CSNK1G1: variants seen among roughly 807,000 people sequenced by gnomAD.
CSNK1G1 encodes casein kinase I isoform gamma-1.
In CSNK1G1, 22 loss-of-function variants were observed where a neutral mutation model predicts 59.6. That is an observed-to-expected ratio of 0.37 (90% CI 0.26 to 0.53). CSNK1G1 has a LOEUF of 0.53. Among genes scored for constraint, CSNK1G1 ranks in the 20% least tolerant of loss-of-function variants. The pLI, the probability that CSNK1G1 is intolerant of heterozygous loss-of-function variation, is 0.89. For missense variants in CSNK1G1, 384 were observed against 519.5 expected (o/e 0.74, Z 2.54); for synonymous variants, 179 against 177.1 (o/e 1.01, Z -0.08).
chr15:64,278,890 C>CT (rs1426691525), intron 2 of CSNK1G1, among the ~76,000 whole-genome samples: 8 of 152,154 alleles, frequency 5.3e-5, no homozygotes, highest in African/African-American at 1.7e-4. Context: ...CAACGTTAAC[C>CT]TATGTGTTTC....
rs373621488 is a variant in CSNK1G1, at chr15:64,301,764, G to A, written c.-224-1041C>T. ...TAGCTGGACGTGGTGGCAGGCACCT[G>A]TAATCCCAGCTACTCGGGAGGCTGA... On this transcript the variant is annotated intron_variant, in intron 1 of 11. Transcript: ENST00000303052. 4.6e-5 allele frequency among the ~76,000 whole-genome samples: 7 copies of A among 152,126 alleles called. No individual in the cohort carries two copies. In the South Asian group the frequency reaches 6.2e-4, roughly 14 times the overall value.
At position 64,165,798 on chromosome 15, in the gene CSNK1G1, C is replaced by T; in HGVS notation, c.*6133G>A. ...GGGTGCAAACTGAGTCCTTTCCTCCCCAAACTGGGGAAGAGGTATACTTAA... is the reference window on the plus strand; with the variant it reads ...GGGTGCAAACTGAGTCCTTTCCTCCTCAAACTGGGGAAGAGGTATACTTAA... On this transcript the variant is annotated 3_prime_UTR_variant, in exon 12 of 12. Coordinates refer to ENST00000303052, the MANE Select transcript of CSNK1G1 (RefSeq NM_022048.5). 2.5e-6 allele frequency: 1 copy of T among 396,750 alleles called. No individual in the cohort carries two copies. The highest frequency in any genetic ancestry group is 4.5e-6 in the Non-Finnish European group (1 of 224,624). The allele number at this position is 396,750 out of a possible 1,614,324, so 24.6% of individuals were successfully genotyped here. A position where few individuals can be genotyped will look rare whatever the true frequency, so the allele number is the denominator to read the frequency against.
chr15:64,252,354 G>C (rs1388545816), intron 3 of CSNK1G1, among the ~76,000 whole-genome samples: 1 of 151,906 alleles, frequency 6.6e-6, no homozygotes, highest in African/African-American at 2.4e-5. Context: ...GGGACCACAA[G>C]TGTGTGCCAC....
At chr15:64,202,459 C>A (rs140652240) in intron 10 of CSNK1G1, among the ~76,000 whole-genome samples, 124 of 152,048 alleles carry the variant, frequency 8.2e-4, no homozygotes, top group Non-Finnish European at 1.5e-3. Context: ...TAGCCTCCAA[C>A]AGGTCTTTTG....
chr15:64,203,015 G>T (rs922737799), intron 10 of CSNK1G1, 67 bp downstream of exon 10: 4 of 1,143,096 alleles, frequency 3.5e-6, no homozygotes, highest in Non-Finnish European at 2.6e-6. Context: ...AGAAGCTGAA[G>T]AATTTGGGTT....
chr15:64,353,719 A>G (rs1487581558), intron 1 of CSNK1G1, among the ~76,000 whole-genome samples: 1 of 151,722 alleles, frequency 6.6e-6, no homozygotes, highest in Non-Finnish European at 1.5e-5. Context: ...TAATCTCAAC[A>G]CTTTGGGAGG....
intron 3 of CSNK1G1, among the ~76,000 whole-genome samples, chr15:64,252,799 T>C (rs1048817613): frequency 9.2e-5 from 14 of 152,344 alleles, no homozygotes; most frequent in Non-Finnish European, 1.6e-4. Flanking sequence ...AACCATACTT[T>C]GCTCTATACC....
intron 11 of CSNK1G1, among the ~76,000 whole-genome samples, chr15:64,175,710 C>T (rs2081733550): frequency 6.6e-6 from 1 of 152,160 alleles, no homozygotes; most frequent in South Asian, 2.1e-4. Flanking sequence ...AAAACAACAA[C>T]AACAAAACAT....
chr15:64,238,518 A>AAAAAATATATATAT (rs1555396879), intron 4 of CSNK1G1, among the ~76,000 whole-genome samples: 5 of 49,246 alleles, frequency 1.0e-4, no homozygotes, highest in African/African-American at 5.9e-4. Flanking sequence ...AAAAAAAAAA[A>AAAAAATATATATAT]ATATATATAT....
intron 2 of CSNK1G1, among the ~76,000 whole-genome samples, chr15:64,291,154 C>G (rs1596229853): frequency 6.6e-6 from 1 of 152,266 alleles, no homozygotes; most frequent in East Asian, 1.9e-4. Flanking sequence ...ATCAATGTTT[C>G]TGGTTAATTA....
Position 64,172,335 on chromosome 15 carries a change from G to A in CSNK1G1, c.1215-350C>T, listed in dbSNP as rs543374196. Among the ~76,000 whole-genome samples the A allele has an allele frequency of 1.1e-4, 17 of 152,214 alleles. No individual in the cohort carries two copies. The East Asian group carries it at 3.3e-3, about 29-fold the overall frequency. On this transcript the variant is annotated intron_variant, in intron 11 of 11. Transcript: ENST00000303052. ...AAGAGTCATGACTGGGGGTCCTCAG[G>A]GCTGCATAAAAATAGTCTACATTGT...
intron 1 of CSNK1G1, among the ~76,000 whole-genome samples, chr15:64,344,885 A>C (rs1017523813): frequency 6.6e-6 from 1 of 152,216 alleles, no homozygotes; most frequent in African/African-American, 2.4e-5. Flanking sequence ...AAACTCAAGA[A>C]ACACAGCATT....
rs66467610 is a variant in CSNK1G1 at position 64,309,309 on chromosome 15, A to AACACACAC, written c.-224-8594_-224-8587dup. 7.2e-3 allele frequency among the ~76,000 whole-genome samples: 1,059 copies of AACACACAC among 146,468 alleles called. 12 individuals carry two copies. Among genetic ancestry groups the AACACACAC allele is most frequent in the African/African-American group, 0.026 (1,026 of 39,414 alleles). Reference sequence around the variant, plus strand: ...AAGTTCTCAAATACTTAGTGAATAAAACACACACACACACACACACACACA... The same window carrying AACACACAC: ...AAGTTCTCAAATACTTAGTGAATAAAACACACACACACACACACACACACACACACACA... On this transcript the variant is annotated intron_variant, in intron 1 of 11. Transcript: ENST00000303052.
Position 64,229,902 on chromosome 15 carries a change from A to ATTTTTTTTTTTTTTTTTTTT in CSNK1G1, c.293-13209_293-13190dup. ...CCTATATTTTTGGGCATGTTTGTAAATTTTTTTTTTTTTTTTTTTTTTTTT... is the reference window on the plus strand; with the variant it reads ...CCTATATTTTTGGGCATGTTTGTAAATTTTTTTTTTTTTTTTTTTTTTTTTTTTTTTTTTTTTTTTTTTTT... On this transcript the variant is annotated intron_variant, in intron 4 of 11. Coordinates refer to ENST00000303052, the MANE Select transcript of CSNK1G1 (RefSeq NM_022048.5). Among the ~76,000 whole-genome samples, 33 of 43,806 alleles carry ATTTTTTTTTTTTTTTTTTTT rather than the reference A, an allele frequency of 7.5e-4. 9 individuals carry two copies. The highest frequency in any genetic ancestry group is 1.4e-3 in the Admixed American group (3 of 2,180). The allele number at this position is 43,806 out of a possible 152,430, so 28.7% of individuals were successfully genotyped here. A position where few individuals can be genotyped will look rare whatever the true frequency, so the allele number is the denominator to read the frequency against.
intron 2 of CSNK1G1, among the ~76,000 whole-genome samples, chr15:64,272,604 T>C (rs540732727): frequency 6.6e-6 from 1 of 152,314 alleles, no homozygotes; most frequent in African/African-American, 2.4e-5. Flanking sequence ...TGACAATGTG[T>C]TGTTAGCTGG....
chr15:64,232,045 G>A (rs547601655), intron 4 of CSNK1G1, among the ~76,000 whole-genome samples: 3 of 152,236 alleles, frequency 2.0e-5, no homozygotes, highest in Admixed American at 6.5e-5. Context: ...TCATCTCCTT[G>A]CATTATCACT....
intron 3 of CSNK1G1, 142 bp downstream of exon 3, chr15:64,259,059 G>T: frequency 1.6e-6 from 1 of 624,676 alleles, no homozygotes. Flanking sequence ...CACTATAAAT[G>T]AAGAAAAATG....
intron 1 of CSNK1G1, among the ~76,000 whole-genome samples, chr15:64,338,165 G>A (rs928023945): frequency 3.3e-5 from 5 of 152,066 alleles, no homozygotes; most frequent in Non-Finnish European, 5.9e-5. Context: ...GTAACCTTTC[G>A]AGAAACTGCC....
chr15:64,294,988 T>G (rs889890834), intron 2 of CSNK1G1, among the ~76,000 whole-genome samples: 2 of 151,016 alleles, frequency 1.3e-5, no homozygotes, highest in African/African-American at 4.9e-5. Flanking sequence ...TCCCAGCACT[T>G]TGGGAGGCCG....
Sources: gnomAD v4.1 joint callset for allele counts (sites outside exome capture counted in the v4.1 genomes callset) on GRCh38, gnomAD v4.1.1 for gene constraint, MANE v1.5 for transcripts, NCBI Gene and HGNC (gene_info 2026-07-23, HGNC 2026-07-21) for gene names.